RXRG: variants seen among roughly 807,000 people sequenced by gnomAD.
The protein encoded by RXRG is retinoic acid receptor RXR-gamma.
A neutral mutation model predicts 49.2 loss-of-function variants in RXRG; 19 were observed. That is an observed-to-expected ratio of 0.39 (90% CI 0.27 to 0.57). The LOEUF is 0.57. RXRG is among the 20% of genes least tolerant of loss of function. The probability of loss-of-function intolerance (pLI) is 0.64; values close to 1 mark genes in which losing one functional copy is unlikely to be tolerated. For missense variants in RXRG, 452 were observed against 592.5 expected (o/e 0.76, Z 2.46); for synonymous variants, 224 against 216.6 (o/e 1.03, Z -0.30).
At position 165,444,871 on chromosome 1, in the gene RXRG, A is replaced by C. The variant is rs894376959; in HGVS notation, c.23T>G (p.Phe8Cys). The C allele has an allele frequency of 1.2e-6, 2 of 1,614,086 alleles. No homozygotes were observed. The highest frequency in any genetic ancestry group is 2.7e-5 in the African/African-American group (2 of 74,934). Residue 8 changes from phenylalanine (F) to cysteine (C), a missense_variant, in exon 1 of 10, where the codon TTC becomes TGC. By Grantham distance (205) the Phe-to-Cys change is radical (BLOSUM62 -2). This residue lies in a region of RXRG where 166 missense variants were observed against 151.7 expected (regional missense o/e 1.09). Transcript: ENST00000359842. ...TCCATAGCCTGCGGGAAACTTCATG[A>C]AGTGAGAATAATTTCCATACATGTT... is the stretch of plus-strand genomic sequence containing the variant. The part of the protein sequence containing the change: MYGNYSH[F>C]MKFPAGYGGS...
At position 165,409,593 on chromosome 1, in the gene RXRG, A is replaced by T; in HGVS notation, c.1011T>A (p.Ser337Arg). Residue 337 changes from serine to arginine, a missense_variant, in exon 7 of 10, where the codon AGT (serine) becomes AGA (arginine). By Grantham distance (110) the Ser-to-Arg change is moderately radical. This residue lies in a region of RXRG where 286 missense variants were observed against 440.9 expected (regional missense o/e 0.65). Coordinates refer to ENST00000359842, the MANE Select transcript of RXRG (RefSeq NM_006917.5). The part of the protein sequence containing the change: ...LATGLHVHRS[S>R]AHSAGVGSIF... ...TGGAGCCGACCCCAGCACTGTGGGC[A>T]CTGCTCCGGTGGACATGTAAACCCG... 1 of 1,562,278 alleles carries T rather than the reference A, an allele frequency of 6.4e-7. No individual in the cohort carries two copies. The highest frequency in any genetic ancestry group is 8.7e-7 in the Non-Finnish European group (1 of 1,155,744).
chr1:165,413,891 C>A (rs1658037415), intron 4 of RXRG, among the ~76,000 whole-genome samples: 1 of 152,162 alleles, frequency 6.6e-6, no homozygotes, highest in African/African-American at 2.4e-5. Flanking sequence ...CCTAAAAGGG[C>A]AACAGGTCCT....
In RXRG at chr1:165,406,814, G is replaced by T; in HGVS notation, c.1242C>A (p.Gly414=). The T allele has an allele frequency of 1.2e-6, 2 of 1,611,802 alleles. No homozygotes were observed. The highest frequency in any genetic ancestry group is 1.7e-6 in the Non-Finnish European group (2 of 1,178,050). ...YTKQKYPEQP[G]RFAKLLLRLP... is the part of the protein sequence containing the mutation. ...CGATTCTGCCAGCACTGTCTCACCT[G>T]CCTGGCTGTTCCGGATACTTCTGCT... is the stretch of plus-strand genomic sequence containing the variant. Residue 414 remains glycine (G), a splice_region_variant and synonymous_variant, in exon 9 of 10, where the codon GGC becomes GGA. Transcript: ENST00000359842.
chr1:165,427,269 G>A (rs1332121412), intron 2 of RXRG, among the ~76,000 whole-genome samples: 1 of 152,180 alleles, frequency 6.6e-6, no homozygotes, highest in Non-Finnish European at 1.5e-5. Flanking sequence ...AGAAGCTGTG[G>A]CAGATGGGAT....
At chr1:165,443,700 C>T (rs1659073128) in intron 1 of RXRG, among the ~76,000 whole-genome samples, 1 of 152,200 alleles carries the variant, frequency 6.6e-6, no homozygotes, top group South Asian at 2.1e-4. Context: ...AATGTGCAAA[C>T]TCCCAGGTCT....
At position 165,408,249 on chromosome 1, in the gene RXRG, T is replaced by C. The variant is rs760513543; in HGVS notation, c.1116A>G (p.Arg372=). 1.7e-5 allele frequency: 28 copies of C among 1,614,026 alleles called. 1 individual carries two copies. In the South Asian group the frequency reaches 2.9e-4, roughly 16 times the overall value. ...TACCTGGGTTAAAGAGTACAATGGC[T>C]CGCAGGCATCCCAGTTCCGACTTGT... The part of the protein sequence containing the change: ...QMDKSELGCL[R]AIVLFNPDAK... Residue 372 remains arginine (R), a synonymous_variant, in exon 8 of 10, where the codon CGA becomes CGG. Transcript: ENST00000359842.
At chr1:165,431,817 G>A (rs113981951) in intron 1 of RXRG, among the ~76,000 whole-genome samples, 2 of 151,720 alleles carry the variant, frequency 1.3e-5, no homozygotes, top group African/African-American at 2.4e-5. Context: ...CATTTTAAGT[G>A]GTATGTCAGC....
At chr1:165,412,315 T>C (rs1238447982) in intron 4 of RXRG, among the ~76,000 whole-genome samples, 2 of 151,822 alleles carry the variant, frequency 1.3e-5, no homozygotes, top group South Asian at 2.1e-4. Context: ...TACTGTGTCA[T>C]TGAGAGAGAG....
intron 1 of RXRG, among the ~76,000 whole-genome samples, chr1:165,436,173 G>A (rs775427142): frequency 6.6e-6 from 1 of 152,130 alleles, no homozygotes; most frequent in Non-Finnish European, 1.5e-5. Context: ...TCAACCCCTC[G>A]GTTACAAGCA....
At chr1:165,428,663 C>A in intron 2 of RXRG, 56 bp downstream of exon 2, 4 of 1,533,104 alleles carry the variant, frequency 2.6e-6, no homozygotes, top group Non-Finnish European at 3.5e-6. Context: ...CCAGGAGCAG[C>A]CTGGGTGAAA....
At chr1:165,411,765 T>C (rs1657958384) in intron 4 of RXRG, among the ~76,000 whole-genome samples, 1 of 152,120 alleles carries the variant, frequency 6.6e-6, no homozygotes, top group Non-Finnish European at 1.5e-5. Flanking sequence ...TATCTCAGCC[T>C]CTCCAAAGCT....
chr1:165,403,003 C>T (rs1657634765), intron 9 of RXRG, among the ~76,000 whole-genome samples: 1 of 152,024 alleles, frequency 6.6e-6, no homozygotes, highest in African/African-American at 2.4e-5. Context: ...CACACTCACA[C>T]TCTAACATGT....
chr1:165,421,451 GA>G (rs999358743), intron 2 of RXRG, among the ~76,000 whole-genome samples: 58 of 150,288 alleles, frequency 3.9e-4, no homozygotes, highest in African/African-American at 1.3e-3. Flanking sequence ...TGGGGGCTTT[GA>G]AAAAAAACAT....
chr1:165,412,258 T>C (rs1025711844), intron 4 of RXRG, among the ~76,000 whole-genome samples: 17 of 151,790 alleles, frequency 1.1e-4, no homozygotes, highest in African/African-American at 3.9e-4. Context: ...CAACTTATGC[T>C]CCAAAACTTA....
intron 1 of RXRG, among the ~76,000 whole-genome samples, chr1:165,429,612 G>A (rs1360706331): frequency 6.6e-6 from 1 of 152,102 alleles, no homozygotes; most frequent in Non-Finnish European, 1.5e-5. Flanking sequence ...TTCTTTTCCT[G>A]TCCCTCTCTA....
At chr1:165,436,558 TG>T (rs1201551679) in intron 1 of RXRG, among the ~76,000 whole-genome samples, 1 of 152,168 alleles carries the variant, frequency 6.6e-6, no homozygotes, top group Non-Finnish European at 1.5e-5. Flanking sequence ...CTGCACACTA[TG>T]AGATGCTGAC....
chr1:165,437,793 C>A (rs955915392), intron 1 of RXRG, among the ~76,000 whole-genome samples: 1 of 152,178 alleles, frequency 6.6e-6, no homozygotes, highest in Non-Finnish European at 1.5e-5. Flanking sequence ...AGCCGGTCCT[C>A]GTTAGCAGGA....
chr1:165,444,813 T>A, intron 1 of RXRG, 32 bp downstream of exon 1: 1 of 1,599,476 alleles, frequency 6.3e-7, no homozygotes, highest in African/African-American at 1.3e-5. Flanking sequence ...CTCATACAGG[T>A]CCACGCAGTG....
intron 7 of RXRG, among the ~76,000 whole-genome samples, chr1:165,408,661 G>A (rs899806195): frequency 3.9e-5 from 6 of 152,168 alleles, no homozygotes; most frequent in African/African-American, 1.4e-4. Flanking sequence ...GGCACAGCAA[G>A]GTAAGGGGAT....
Sources: allele counts gnomAD v4.1 joint callset (sites outside exome capture counted in the v4.1 genomes callset), GRCh38; gene constraint gnomAD v4.1.1; regional missense constraint gnomAD v4.1.1; transcripts MANE v1.5; gene names NCBI Gene and HGNC (gene_info 2026-07-23, HGNC 2026-07-21).